Variants in GRHPR observed in about 807,000 individuals in gnomAD.
GRHPR encodes glyoxylate and hydroxypyruvate reductase, also known as glyoxylate reductase/hydroxypyruvate reductase.
A neutral mutation model predicts 36.8 loss-of-function variants in GRHPR; 35 were observed. The observed-to-expected ratio is 0.95, with a 90% confidence interval of 0.73 to 1.26. GRHPR has a LOEUF of 1.26. Ranked by LOEUF, GRHPR falls within the 50% of genes most tolerant of loss-of-function variation. The pLI, the probability that GRHPR is intolerant of heterozygous loss-of-function variation, is 0.00. For synonymous variants in GRHPR, 179 were observed against 181.0 expected, an observed-to-expected ratio of 0.99 and a Z score of 0.09; for missense variants, 380 against 435.0, an observed-to-expected ratio of 0.87 and a Z score of 1.12.
rs761249461 is a variant in GRHPR at position 37,436,709 on chromosome 9, T to C, written c.914T>C (p.Met305Thr). ...GCCACCCACAGAACCCGCAACACCA[T>C]GTCCTTGTTGGCAGCTAACAACTTG... is the stretch of plus-strand genomic sequence containing the variant. ...GSATHRTRNT[M>T]SLLAANNLLA... The change falls in exon 9 of 9, where the codon ATG becomes ACG. Residue 305 changes from methionine to threonine, a missense_variant. By Grantham distance (81) the Met-to-Thr change is moderately conservative. Transcript: ENST00000318158. 1 of 1,613,976 alleles carries C rather than the reference T, an allele frequency of 6.2e-7. No homozygotes were observed. The highest frequency in any genetic ancestry group is 8.5e-7 in the Non-Finnish European group (1 of 1,179,884).
chr9:37,426,219 A>G, intron 3 of GRHPR: 1 of 606,710 alleles, frequency 1.6e-6, no homozygotes, highest in Non-Finnish European at 2.9e-6. Flanking sequence ...CACATTCATT[A>G]TCTTTTTTGA....
upstream of GRHPR, chr9:37,422,661 C>T (rs988384033): frequency 3.8e-6 from 4 of 1,064,254 alleles, no homozygotes; most frequent in Non-Finnish European, 5.7e-6. Flanking sequence ...ACGTCTCTCC[C>T]GCCCACTCCA....
At chr9:37,423,166 CTTTTT>C (rs111508809) in intron 1 of GRHPR, among the ~76,000 whole-genome samples, 4 of 137,052 alleles carry the variant, frequency 2.9e-5, no homozygotes, top group African/African-American at 5.4e-5. Flanking sequence ...ATTTACTTAT[CTTTTT>C]TTTTTTTTTT....
At chr9:37,430,858 T>C in intron 7 of GRHPR, 1 of 666,602 alleles carries the variant, frequency 1.5e-6, no homozygotes, top group South Asian at 1.5e-5. Flanking sequence ...GCCTGTCTGC[T>C]TCTCAGCAGT....
rs309455 is a variant in GRHPR at position 37,432,267 on chromosome 9, T to C, written c.865+129T>C. 734,399 of 818,952 alleles carry C rather than the reference T, an allele frequency of 0.9. 330,152 individuals are homozygous for C. The highest frequency in any genetic ancestry group is 0.92 in the Middle Eastern group (4,179 of 4,536). 50.7% of individuals were successfully genotyped at this position (818,952 alleles called of 1,614,324 possible). A position where few individuals can be genotyped will look rare whatever the true frequency, so the allele number is the denominator to read the frequency against. ...TGAACCCAAAGGGACACACCAGGGA[T>C]CGTAAATGTTTATGTTGTCAGTGAC... On this transcript the variant is annotated intron_variant, in intron 8 of 8. Transcript: ENST00000318158.
Position 37,431,362 on chromosome 9 carries a change from G to A in GRHPR, c.735-646G>A, listed in dbSNP as rs534203892. On this transcript the variant is annotated intron_variant, in intron 7 of 8. Transcript: ENST00000318158. ...GCAGGACCACAGGGCTCGCACTGCT[G>A]GCTGGCAGCAGTCACAGCTGCCGTG... The A allele has an allele frequency of 8.4e-4, 261 of 311,130 alleles. 1 individual carries two copies. The highest frequency in any genetic ancestry group is 1.5e-3 in the Non-Finnish European group (234 of 157,656). The allele number at this position is 311,130 out of a possible 1,614,324, so 19.3% of individuals were successfully genotyped here.
intron 5 of GRHPR, chr9:37,429,154 TCTA>T: frequency 3.9e-6 from 1 of 254,940 alleles, no homozygotes; most frequent in Non-Finnish European, 7.7e-6. Flanking sequence ...GGAGAACCTG[TCTA>T]GCCAACGAAC....
At chr9:37,424,581 A>G (rs1822986275) in intron 1 of GRHPR, among the ~76,000 whole-genome samples, 2 of 152,188 alleles carry the variant, frequency 1.3e-5, no homozygotes, top group Admixed American at 6.5e-5. Context: ...TGAATGTGGG[A>G]AAGCTCTTCT....
intron 3 of GRHPR, 33 bp downstream of exon 3, chr9:37,426,027 G>A: frequency 1.4e-6 from 2 of 1,412,338 alleles, no homozygotes; most frequent in Non-Finnish European, 1.0e-6. Flanking sequence ...AGGGGGCCTA[G>A]AGAGAGGGGT....
chr9:37,430,338 C>T, intron 6 of GRHPR, 173 bp from the exon 7 acceptor site: 1 of 697,016 alleles, frequency 1.4e-6, no homozygotes. Context: ...CCAGATCCCA[C>T]TGTGTGTGAT....
intron 7 of GRHPR, 159 bp downstream of exon 7, chr9:37,430,805 C>G: frequency 1.4e-6 from 1 of 731,820 alleles, no homozygotes; most frequent in Non-Finnish European, 2.5e-6. Context: ...TGGGAATACA[C>G]GAGACCTCCG....
At chr9:37,430,114 T>C in intron 6 of GRHPR, 1 of 544,116 alleles carries the variant, frequency 1.8e-6, no homozygotes, top group South Asian at 2.0e-5. Flanking sequence ...GCAGCGGGGA[T>C]GGTGGTGGGT....
chr9:37,433,925 A>G (rs983607709), intron 8 of GRHPR: 12 of 397,348 alleles, frequency 3.0e-5, no homozygotes, highest in African/African-American at 2.5e-4. Flanking sequence ...GAATGCTCCC[A>G]TTATTGCAGC....
intron 4 of GRHPR, 156 bp from the exon 5 acceptor site, chr9:37,428,328 T>G: frequency 1.8e-6 from 1 of 557,500 alleles, no homozygotes; most frequent in Non-Finnish European, 3.5e-6. Context: ...CTGCTGCTCA[T>G]CTGCAGTGCC....
chr9:37,437,947 G>A (rs1184874073), downstream of GRHPR, among the ~76,000 whole-genome samples: 5 of 152,138 alleles, frequency 3.3e-5, no homozygotes, highest in East Asian at 3.9e-4. Flanking sequence ...CAGAAAAGGC[G>A]GGGGAAGGCA....
intron 8 of GRHPR, among the ~76,000 whole-genome samples, chr9:37,433,187 C>CAA (rs1245355963): frequency 7.9e-5 from 12 of 151,494 alleles, no homozygotes; most frequent in Non-Finnish European, 1.8e-4. Flanking sequence ...GTGCCTCTGG[C>CAA]AGTTGCTACC....
At chr9:37,426,989 C>T (rs1382143608) in intron 4 of GRHPR, among the ~76,000 whole-genome samples, 2 of 151,996 alleles carry the variant, frequency 1.3e-5, no homozygotes, top group East Asian at 1.9e-4. Context: ...CTGGCAGGAA[C>T]GTTGGCTCTG....
At chr9:37,422,523 C>CCCA (rs1554745960), upstream of GRHPR, 20 of 553,046 alleles carry the variant, frequency 3.6e-5, no homozygotes, top group East Asian at 6.6e-4. Flanking sequence ...GCGCACCCCC[C>CCCA]CACACACACA....
intron 2 of GRHPR, among the ~76,000 whole-genome samples, chr9:37,425,188 A>G (rs1482648906): frequency 1.3e-5 from 2 of 152,184 alleles, no homozygotes; most frequent in Non-Finnish European, 2.9e-5. Context: ...TAGGAGGGCA[A>G]AGACCGCGGT....
Sources: allele counts gnomAD v4.1 joint callset (sites outside exome capture counted in the v4.1 genomes callset), GRCh38; gene constraint gnomAD v4.1.1; transcripts MANE v1.5; gene names NCBI Gene and HGNC (gene_info 2026-07-23, HGNC 2026-07-21).